CLNS1A: variants seen among roughly 807,000 people sequenced by gnomAD.
The protein encoded by CLNS1A is methylosome subunit pICln.
CLNS1A carries 16 observed loss-of-function variants against 29.4 expected under a neutral mutation model. The observed-to-expected ratio is 0.54, with a 90% CI of 0.37 to 0.83. CLNS1A has a LOEUF of 0.83. Ranked by LOEUF, CLNS1A falls within the 40% of genes least tolerant of loss-of-function variation. The pLI is 0.00. For synonymous variants in CLNS1A, 96 were observed against 104.8 expected (o/e 0.92, Z 0.51); for missense variants, 235 against 287.4 (o/e 0.82, Z 1.32).
rs571221104 is a variant in CLNS1A, at chr11:77,629,989, T to TA, written c.126-91dup. The TA allele has an allele frequency of 7.6e-5, 81 of 1,061,860 alleles. No homozygotes were observed. The South Asian group carries it at 1.4e-3, about 18-fold the overall frequency. The allele number at this position is 1,061,860 out of a possible 1,614,324, so 65.8% of individuals were successfully genotyped here. A position where few individuals can be genotyped will look rare whatever the true frequency, so the allele number is the denominator to read the frequency against. On this transcript the variant is annotated intron_variant, in intron 1 of 6. Transcript: ENST00000525428. ...TATAAAAGTTCAGCTTGGACACCTT[T>TA]ATGCATATAAATAAATTCAAGTTTA... is the stretch of plus-strand genomic sequence containing the variant.
At chr11:77,631,519 G>A (rs1011273846) in intron 1 of CLNS1A, among the ~76,000 whole-genome samples, 4 of 151,518 alleles carry the variant, frequency 2.6e-5, no homozygotes, top group Non-Finnish European at 5.9e-5. Context: ...GGGTTTCACC[G>A]TGTTAGCCAG....
chr11:77,625,897 T>C (rs533324615), intron 2 of CLNS1A, 79 bp from the exon 3 acceptor site: 1 of 1,170,814 alleles, frequency 8.5e-7, no homozygotes, highest in Non-Finnish European at 1.2e-6. Context: ...AATATTGCAA[T>C]TCAATTTTAA....
In CLNS1A at chr11:77,637,765, G is replaced by C; in HGVS notation, c.-51C>G. Reference sequence around the variant, plus strand: ...CCTGAGGGAGTTGGAGCACAGCAATGCGTGCACCACACCGCCCGCCCTGGA... The same window carrying C: ...CCTGAGGGAGTTGGAGCACAGCAATCCGTGCACCACACCGCCCGCCCTGGA... On this transcript the variant is annotated 5_prime_UTR_variant, in exon 1 of 7. Transcript: ENST00000525428. 6.6e-7 allele frequency: 1 copy of C among 1,520,432 alleles called. No homozygotes were observed. Among genetic ancestry groups the C allele is most frequent in the South Asian group, 1.2e-5 (1 of 80,508 alleles). The allele number at this position is 1,520,432 out of a possible 1,614,324, so 94.2% of individuals were successfully genotyped here.
In CLNS1A at chr11:77,637,786, C is replaced by T. The variant is rs1423155458; in HGVS notation, c.-72G>A. ...CAATGCGTGCACCACACCGCCCGCC[C>T]TGGAAGAGGCAGTCACCCCGGAAGA... On this transcript the variant is annotated 5_prime_UTR_variant, in exon 1 of 7. Coordinates refer to ENST00000525428, the MANE Select transcript of CLNS1A (RefSeq NM_001293.3). The T allele has an allele frequency of 1.0e-5, 15 of 1,463,826 alleles. No individual in the cohort carries two copies. Among genetic ancestry groups the T allele is most frequent in the Non-Finnish European group, 1.3e-5 (14 of 1,098,218 alleles). The allele number at this position is 1,463,826 out of a possible 1,614,324, so 90.7% of individuals were successfully genotyped here.
At chr11:77,620,924 G>C (rs1958951173) in intron 5 of CLNS1A, among the ~76,000 whole-genome samples, 1 of 152,168 alleles carries the variant, frequency 6.6e-6, no homozygotes, top group Non-Finnish European at 1.5e-5. Flanking sequence ...GGAGGTTGAA[G>C]TAAGCCAAGA....
intron 1 of CLNS1A, among the ~76,000 whole-genome samples, chr11:77,637,309 GAGAC>G (rs1215309435): frequency 1.0e-5 from 1 of 98,804 alleles, no homozygotes; most frequent in African/African-American, 4.0e-5. Flanking sequence ...AAGAGAGAAA[GAGAC>G]AGAGAAAGAG....
chr11:77,618,089 A>G (rs542335938), intron 6 of CLNS1A, among the ~76,000 whole-genome samples: 1 of 152,336 alleles, frequency 6.6e-6, no homozygotes, highest in South Asian at 2.1e-4. Context: ...GTAACATCCC[A>G]TTTGTTTAAC....
chr11:77,622,743 TC>T (rs1196285732), intron 4 of CLNS1A, 70 bp from the exon 5 acceptor site: 1 of 1,229,202 alleles, frequency 8.1e-7, no homozygotes, highest in Non-Finnish European at 1.1e-6. Context: ...CAATAATATA[TC>T]TGCCGCCAGC....
intron 1 of CLNS1A, among the ~76,000 whole-genome samples, chr11:77,634,276 C>A (rs892381680): frequency 4.6e-5 from 7 of 152,162 alleles, no homozygotes; most frequent in Non-Finnish European, 8.8e-5. Context: ...AGGCTATAAG[C>A]CAAATTTATG....
rs140182246 is a variant in CLNS1A, at chr11:77,625,676, G to A, written c.364+41C>T. The A allele has an allele frequency of 7.6e-4, 1,186 of 1,557,560 alleles. 6 individuals carry two copies. The African/African-American group carries it at 0.015, about 19-fold the overall frequency. On this transcript the variant is annotated intron_variant, in intron 3 of 6. Coordinates refer to ENST00000525428, the MANE Select transcript of CLNS1A (RefSeq NM_001293.3). ...GTGTGTGTGTCAATTGGGAATGCTT[G>A]GTATGTAAAAGGGGAAGAATCAATA...
At chr11:77,618,287 T>C (rs974398187) in intron 6 of CLNS1A, among the ~76,000 whole-genome samples, 10 of 152,156 alleles carry the variant, frequency 6.6e-5, no homozygotes, top group African/African-American at 2.2e-4. Context: ...TATGCTATAA[T>C]GTGATGAGAA....
At chr11:77,631,312 C>T (rs1307262052) in intron 1 of CLNS1A, among the ~76,000 whole-genome samples, 3 of 151,370 alleles carry the variant, frequency 2.0e-5, no homozygotes, top group South Asian at 2.1e-4. Context: ...CTAAAACTTA[C>T]GTAATTGTAT....
chr11:77,614,697 G>A lies in CLNS1A; in HGVS notation c.*2021C>T, dbSNP rs1295177491. The A allele has an allele frequency of 6.6e-6, 1 of 152,138 alleles. No individual in the cohort carries two copies. Among genetic ancestry groups the A allele is most frequent in the Non-Finnish European group, 1.5e-5 (1 of 68,034 alleles). The allele number at this position is 152,138 out of a possible 1,614,324, so 9.4% of individuals were successfully genotyped here. A position where few individuals can be genotyped will look rare whatever the true frequency, so the allele number is the denominator to read the frequency against. On this transcript the variant is annotated 3_prime_UTR_variant, in exon 7 of 7. Transcript: ENST00000525428. ...TTTTAAATGAAGAACCTAGAACAGAGAACCATTAACCCTAGCTTTTAGGAA... is the reference window on the plus strand; with the variant it reads ...TTTTAAATGAAGAACCTAGAACAGAAAACCATTAACCCTAGCTTTTAGGAA...
Position 77,619,694 on chromosome 11 carries a change from A to G in CLNS1A, c.648T>C (p.Asp216=), listed in dbSNP as rs781492881. 1 of 1,612,108 alleles carries G rather than the reference A, an allele frequency of 6.2e-7. No homozygotes were observed. Among genetic ancestry groups the G allele is most frequent in the Non-Finnish European group, 8.5e-7 (1 of 1,178,220 alleles). The change falls in exon 6 of 7, where the codon GAT becomes GAC. Residue 216 remains aspartate (D), a splice_region_variant and synonymous_variant. Transcript: ENST00000525428. ...TTGGTGTGGTATCCACCTCCATCCC[A>G]TCTAAACAAAAAAATTAATTACTGA... ...RTEDSIRDYE[D]GMEVDTTPTV...
At chr11:77,619,811 T>C (rs1371170971) in intron 5 of CLNS1A, 116 bp from the exon 6 acceptor site, 2 of 748,692 alleles carry the variant, frequency 2.7e-6, no homozygotes, top group Non-Finnish European at 2.3e-6. Context: ...AATTGCTTTT[T>C]CCTCTTTTTG....
chr11:77,619,608 T>A lies in CLNS1A; in HGVS notation c.*20A>T. On this transcript the variant is annotated splice_region_variant and 3_prime_UTR_variant, in exon 6 of 7. Coordinates refer to ENST00000525428, the MANE Select transcript of CLNS1A (RefSeq NM_001293.3). ...AAGGGAGAAAATGAACTACTCACCT[T>A]AAACTTGCATAAATCATTTTCAGTG... 2 of 1,591,106 alleles carry A rather than the reference T, an allele frequency of 1.3e-6. No homozygotes were observed. Among genetic ancestry groups the A allele is most frequent in the Non-Finnish European group, 1.7e-6 (2 of 1,159,010 alleles).
At chr11:77,637,010 T>G (rs544335175) in intron 1 of CLNS1A, among the ~76,000 whole-genome samples, 85 of 151,722 alleles carry the variant, frequency 5.6e-4, no homozygotes, top group African/African-American at 2.0e-3. Flanking sequence ...ATATGACCCC[T>G]GTCTGTGTCG....
chr11:77,618,527 T>C (rs1185125682), intron 6 of CLNS1A: 2 of 152,224 alleles, frequency 1.3e-5, no homozygotes, highest in East Asian at 1.9e-4. Flanking sequence ...ATATAAATCA[T>C]AGAACTCTAA....
intron 1 of CLNS1A, among the ~76,000 whole-genome samples, chr11:77,631,646 T>A (rs1204817682): frequency 6.6e-6 from 1 of 151,532 alleles, no homozygotes; most frequent in Non-Finnish European, 1.5e-5. Context: ...AAGGCAAAAG[T>A]AAGAATATAT....
Sources: allele counts gnomAD v4.1 joint callset (sites outside exome capture counted in the v4.1 genomes callset), GRCh38; gene constraint gnomAD v4.1.1; transcripts MANE v1.5; gene names NCBI Gene and HGNC (gene_info 2026-07-23, HGNC 2026-07-21).